RCAN2: variants seen among roughly 807,000 people sequenced by gnomAD.
The protein encoded by RCAN2 is calcipressin-2.
Under a neutral mutation model 23.6 loss-of-function variants are expected in RCAN2, and 9 were observed. The ratio of observed to expected loss-of-function variants is 0.38; its 90% CI spans 0.23 to 0.67. The LOEUF (loss-of-function observed/expected upper bound fraction) is 0.67. Among genes scored for constraint, RCAN2 ranks in the 30% least tolerant of loss-of-function variants. The pLI, the probability that RCAN2 is intolerant of heterozygous loss-of-function variation, is 0.51. For missense variants in RCAN2, 273 were observed against 302.3 expected (o/e 0.90, Z 0.72); for synonymous variants, 109 against 115.7 (o/e 0.94, Z 0.37).
intron 2 of RCAN2, among the ~76,000 whole-genome samples, chr6:46,339,638 G>C (rs185843166): frequency 2.8e-4 from 42 of 152,274 alleles, no homozygotes; most frequent in African/African-American, 9.1e-4. Context: ...CCTAATAGAA[G>C]AGAGAACCAG....
At chr6:46,351,443 G>A (rs994023389) in intron 2 of RCAN2, among the ~76,000 whole-genome samples, 1 of 152,190 alleles carries the variant, frequency 6.6e-6, no homozygotes, top group Non-Finnish European at 1.5e-5. Context: ...TAGTGTGGAT[G>A]TTTTATTTAG....
rs1057102 is a variant in RCAN2 at position 46,221,774 on chromosome 6, G to A, written c.*1367C>T. ...ACTTCCCCACTCCATTGTAATCTGC[G>A]TTTGCATCTAAAGTAATTCATTAAT... On this transcript the variant is annotated 3_prime_UTR_variant, in exon 5 of 5. Transcript: ENST00000371374. 1,942 of 395,170 alleles carry A rather than the reference G, an allele frequency of 4.9e-3. 3 individuals are homozygous for A. Among genetic ancestry groups the A allele is most frequent in the Non-Finnish European group, 7.5e-3 (1,687 of 224,316 alleles). 24.5% of individuals were successfully genotyped at this position (395,170 alleles called of 1,614,324 possible).
intron 4 of RCAN2, 152 bp downstream of exon 4, chr6:46,246,596 T>C: frequency 1.5e-6 from 1 of 665,400 alleles, no homozygotes. Context: ...TGCATTCTCA[T>C]CCATCATTCC....
In RCAN2 at chr6:46,320,474, G is replaced by T. The variant is rs139859532; in HGVS notation, c.226-71578C>A. ...TCATTGTACTCAGTGGCCATGATGT[G>T]CTGGTCTTTTTCATAACTCACACAA... On this transcript the variant is annotated intron_variant, in intron 2 of 4. Coordinates refer to ENST00000371374, the MANE Select transcript of RCAN2 (RefSeq NM_001251974.2). Among the ~76,000 whole-genome samples the T allele has an allele frequency of 9.3e-4, 141 of 152,292 alleles. 1 individual carries two copies. Among genetic ancestry groups the T allele is most frequent in the African/African-American group, 3.2e-3 (134 of 41,564 alleles).
chr6:46,430,758 A>G (rs892799163), intron 2 of RCAN2, among the ~76,000 whole-genome samples: 1 of 152,226 alleles, frequency 6.6e-6, no homozygotes. Context: ...AAAGGTATGT[A>G]CAATAGCAGA....
At chr6:46,466,806 A>G (rs2150438745) in intron 1 of RCAN2, among the ~76,000 whole-genome samples, 1 of 152,312 alleles carries the variant, frequency 6.6e-6, no homozygotes, top group East Asian at 1.9e-4. Flanking sequence ...GTCCATAACA[A>G]TAGCGGCAGG....
intron 2 of RCAN2, among the ~76,000 whole-genome samples, chr6:46,373,397 G>A (rs887309823): frequency 2.6e-5 from 4 of 151,940 alleles, no homozygotes; most frequent in African/African-American, 4.8e-5. Context: ...CCTGAGTAGC[G>A]GGGATTACAG....
At chr6:46,330,738 T>A (rs1763940376) in intron 2 of RCAN2, among the ~76,000 whole-genome samples, 1 of 152,180 alleles carries the variant, frequency 6.6e-6, no homozygotes, top group Admixed American at 6.5e-5. Flanking sequence ...ATCTATAGAG[T>A]TCTCCTCCAT....
At chr6:46,386,073 TC>T (rs1483012930) in intron 2 of RCAN2, among the ~76,000 whole-genome samples, 1 of 151,942 alleles carries the variant, frequency 6.6e-6, no homozygotes, top group Non-Finnish European at 1.5e-5. Context: ...CTATCATCAG[TC>T]GAGCAGGCAA....
chr6:46,396,572 T>C (rs1456267908), intron 2 of RCAN2, among the ~76,000 whole-genome samples: 1 of 152,130 alleles, frequency 6.6e-6, no homozygotes, highest in Non-Finnish European at 1.5e-5. Flanking sequence ...GTAGGCAGGG[T>C]TGAGATTCAG....
intron 2 of RCAN2, among the ~76,000 whole-genome samples, chr6:46,287,573 T>C (rs1762414570): frequency 2.0e-5 from 3 of 152,264 alleles, no homozygotes; most frequent in Admixed American, 2.0e-4. Flanking sequence ...TGACTTCCAT[T>C]ATGGGTCCCT....
At chr6:46,353,237 T>C (rs2150379223) in intron 2 of RCAN2, among the ~76,000 whole-genome samples, 1 of 152,320 alleles carries the variant, frequency 6.6e-6, no homozygotes, top group South Asian at 2.1e-4. Flanking sequence ...TTTCTGGGCC[T>C]GAGCTTCTTC....
At chr6:46,380,053 A>G (rs1765578464) in intron 2 of RCAN2, among the ~76,000 whole-genome samples, 1 of 152,204 alleles carries the variant, frequency 6.6e-6, no homozygotes, top group African/African-American at 2.4e-5. Flanking sequence ...CAGCATCAAA[A>G]GCAAAAAACT....
rs35037427 is a variant in RCAN2, at chr6:46,403,572, C to CAA, written c.225+53178_225+53179dup. ...GGGCAACAAGAGCGAAACTCCGTAT[C>CAA]AAAAAAAAAAAAAAAAAATTCTGCA... On this transcript the variant is annotated intron_variant, in intron 2 of 4. Transcript: ENST00000371374. 9.6e-3 allele frequency among the ~76,000 whole-genome samples: 1,172 copies of CAA among 122,556 alleles called. 13 individuals carry two copies. Among genetic ancestry groups the CAA allele is most frequent in the African/African-American group, 0.019 (582 of 30,276 alleles). The allele number at this position is 122,556 out of a possible 152,430, so 80.4% of individuals were successfully genotyped here.
chr6:46,346,530 G>A (rs1460881676), intron 2 of RCAN2, among the ~76,000 whole-genome samples: 1 of 152,012 alleles, frequency 6.6e-6, no homozygotes, highest in Non-Finnish European at 1.5e-5. Flanking sequence ...CTAACCATTA[G>A]GAAATAACTA....
At chr6:46,405,102 C>A (rs184498502) in intron 2 of RCAN2, among the ~76,000 whole-genome samples, 2 of 152,222 alleles carry the variant, frequency 1.3e-5, no homozygotes, top group African/African-American at 4.8e-5. Flanking sequence ...AGCCGCGGAC[C>A]CTCGCGGTGA....
chr6:46,309,417 A>C, intron 2 of RCAN2, among the ~76,000 whole-genome samples: 1 of 152,174 alleles, frequency 6.6e-6, no homozygotes. Flanking sequence ...TTGTTTAATA[A>C]GTTGTAATAG....
At chr6:46,240,513 G>T (rs1230908778) in intron 4 of RCAN2, among the ~76,000 whole-genome samples, 1 of 152,140 alleles carries the variant, frequency 6.6e-6, no homozygotes, top group Admixed American at 6.5e-5. Context: ...ATGTGCTCCA[G>T]GATCCCAATC....
chr6:46,373,848 T>A (rs1193516033), intron 2 of RCAN2, among the ~76,000 whole-genome samples: 3 of 152,084 alleles, frequency 2.0e-5, no homozygotes, highest in Non-Finnish European at 4.4e-5. Flanking sequence ...CCCACTCCCT[T>A]CCCCTTAGAA....
Sources: gnomAD v4.1 joint callset for allele counts (sites outside exome capture counted in the v4.1 genomes callset) on GRCh38, gnomAD v4.1.1 for gene constraint, MANE v1.5 for transcripts, NCBI Gene and HGNC (gene_info 2026-07-23, HGNC 2026-07-21) for gene names.